Variants in DPP10 observed in about 807,000 individuals in gnomAD.
DPP10 encodes the protein dipeptidyl peptidase like 10.
Under a neutral mutation model 120.9 loss-of-function variants are expected in DPP10, and 33 were observed. That is an observed-to-expected ratio of 0.27 (90% confidence interval 0.21 to 0.37). The LOEUF (loss-of-function observed/expected upper bound fraction) is 0.37, where lower values mean the gene tolerates loss of function less well. DPP10 is among the 10% of genes least tolerant of loss of function. DPP10 has a pLI of 1.00. For missense variants in DPP10, 816 were observed against 942.8 expected (o/e 0.87, Z 1.76); for synonymous variants, 337 against 326.1 (o/e 1.03, Z -0.36).
chr2:115,150,292 T>C (rs935817423), intron 1 of DPP10, among the ~76,000 whole-genome samples: 2 of 152,244 alleles, frequency 1.3e-5, no homozygotes, highest in African/African-American at 2.4e-5. Context: ...AGGAATGAGA[T>C]AATAATGATA....
chr2:115,008,387 G>A (rs1414195961), intron 1 of DPP10, among the ~76,000 whole-genome samples: 1 of 113,634 alleles, frequency 8.8e-6, no homozygotes, highest in Non-Finnish European at 1.9e-5. Context: ...GTAGAAAGCT[G>A]AAACTGGATC....
intron 5 of DPP10, among the ~76,000 whole-genome samples, chr2:115,544,837 T>C (rs2079402129): frequency 6.6e-6 from 1 of 152,026 alleles, no homozygotes; most frequent in African/African-American, 2.4e-5. Context: ...TAGGGTTGCT[T>C]ATAGTTGGAG....
chr2:115,828,348 T>C (rs947380769), intron 21 of DPP10, among the ~76,000 whole-genome samples: 1 of 152,142 alleles, frequency 6.6e-6, no homozygotes, highest in African/African-American at 2.4e-5. Flanking sequence ...TATGCCTTGG[T>C]ATAGTTTTCT....
intron 3 of DPP10, among the ~76,000 whole-genome samples, chr2:115,477,968 T>A (rs2075196553): frequency 6.6e-6 from 1 of 152,084 alleles, no homozygotes; most frequent in African/African-American, 2.4e-5. Context: ...GCATCTCACA[T>A]TGTGAGCAGG....
At chr2:115,662,096 A>C (rs1360233990) in intron 5 of DPP10, among the ~76,000 whole-genome samples, 1 of 152,180 alleles carries the variant, frequency 6.6e-6, no homozygotes, top group Non-Finnish European at 1.5e-5. Flanking sequence ...TAGTCTCCAT[A>C]TATAAGTGAG....
At chr2:115,009,922 A>G (rs551765040) in intron 1 of DPP10, among the ~76,000 whole-genome samples, 5 of 152,212 alleles carry the variant, frequency 3.3e-5, no homozygotes, top group South Asian at 4.1e-4. Context: ...ATGTGGTATG[A>G]TAAGTACTGT....
intron 3 of DPP10, among the ~76,000 whole-genome samples, chr2:115,447,508 C>G (rs1301443525): frequency 5.9e-5 from 9 of 152,156 alleles, no homozygotes; most frequent in African/African-American, 2.2e-4. Flanking sequence ...CTACCCAAAT[C>G]TCATCTCAAA....
At chr2:115,605,194 A>G (rs1209162823) in intron 5 of DPP10, among the ~76,000 whole-genome samples, 2 of 152,084 alleles carry the variant, frequency 1.3e-5, no homozygotes, top group Non-Finnish European at 2.9e-5. Flanking sequence ...ATTTTTTTGG[A>G]TAGAATCAAT....
chr2:114,454,711 C>CT (rs1417259470), intron 1 of DPP10, among the ~76,000 whole-genome samples: 20 of 151,568 alleles, frequency 1.3e-4, no homozygotes, highest in African/African-American at 4.4e-4. Flanking sequence ...TTTCTCAACC[C>CT]TTTTTTTTTC....
At chr2:115,674,049 A>C (rs1382504616) in intron 5 of DPP10, among the ~76,000 whole-genome samples, 1 of 150,502 alleles carries the variant, frequency 6.6e-6, no homozygotes, top group African/African-American at 2.4e-5. Flanking sequence ...CTGTCTCTAC[A>C]AACAAAACAA....
intron 1 of DPP10, among the ~76,000 whole-genome samples, chr2:114,444,755 C>T (rs1677846536): frequency 6.6e-6 from 1 of 152,136 alleles, no homozygotes; most frequent in African/African-American, 2.4e-5. Context: ...TGAATCAAAG[C>T]TCTGGGTAAT....
intron 5 of DPP10, among the ~76,000 whole-genome samples, chr2:115,653,753 A>C (rs921927319): frequency 6.6e-6 from 1 of 151,446 alleles, no homozygotes; most frequent in Non-Finnish European, 1.5e-5. Context: ...AGGAATGATA[A>C]TGTCATGGGA....
chr2:115,210,573 A>G (rs1276643301), intron 1 of DPP10, among the ~76,000 whole-genome samples: 1 of 151,904 alleles, frequency 6.6e-6, no homozygotes, highest in Non-Finnish European at 1.5e-5. Context: ...TTCTAGTTCT[A>G]GATCCTTGAG....
chr2:115,431,341 G>A (rs985962773), intron 3 of DPP10, among the ~76,000 whole-genome samples: 2 of 152,148 alleles, frequency 1.3e-5, no homozygotes, highest in Admixed American at 6.6e-5. Context: ...CGAAGTGAAA[G>A]GACCGAGGGA....
chr2:115,478,488 G>T (rs1366282529), intron 3 of DPP10, among the ~76,000 whole-genome samples: 1 of 152,108 alleles, frequency 6.6e-6, no homozygotes, highest in African/African-American at 2.4e-5. Flanking sequence ...TCAAGATTTG[G>T]GTTTGGCAGT....
intron 1 of DPP10, among the ~76,000 whole-genome samples, chr2:114,447,721 A>C: frequency 6.6e-6 from 1 of 151,598 alleles, no homozygotes; most frequent in Admixed American, 6.6e-5. Context: ...ACAGCAACTG[A>C]TTTCACCAGT....
At chr2:115,435,567 GTTGT>G (rs1369671198) in intron 3 of DPP10, among the ~76,000 whole-genome samples, 1 of 151,702 alleles carries the variant, frequency 6.6e-6, no homozygotes, top group East Asian at 1.9e-4. Flanking sequence ...TTGCTATTGA[GTTGT>G]TTGAGTTCCT....
At chr2:114,753,870 C>T (rs1202536023) in intron 1 of DPP10, among the ~76,000 whole-genome samples, 2 of 128,452 alleles carry the variant, frequency 1.6e-5, no homozygotes, top group Non-Finnish European at 3.1e-5. Flanking sequence ...GATGGCGCCA[C>T]TGAACTCCAG....
chr2:115,062,744 T>A (rs1706520816), intron 1 of DPP10, among the ~76,000 whole-genome samples: 1 of 152,238 alleles, frequency 6.6e-6, no homozygotes, highest in African/African-American at 2.4e-5. Flanking sequence ...GGCTGCATAG[T>A]ATTCCATGGT....
Sources: gnomAD v4.1 joint callset for allele counts (sites outside exome capture counted in the v4.1 genomes callset) on GRCh38, gnomAD v4.1.1 for gene constraint, MANE v1.5 for transcripts, NCBI Gene and HGNC (gene_info 2026-07-23, HGNC 2026-07-21) for gene names.